Variants in RORB observed in about 807,000 individuals in gnomAD.
RORB encodes the protein RAR related orphan receptor B.
RORB carries 6 observed loss-of-function variants against 59.1 expected under a neutral mutation model. That is an observed-to-expected ratio of 0.10 (90% CI 0.06 to 0.20). RORB has a LOEUF of 0.20. RORB is among the 10% of genes least tolerant of loss of function. The pLI, the probability that RORB is intolerant of heterozygous loss-of-function variation, is 1.00. For synonymous variants in RORB, 215 were observed against 204.5 expected, an observed-to-expected ratio of 1.05 and a Z score of -0.44; for missense variants, 320 against 560.5, an observed-to-expected ratio of 0.57 and a Z score of 4.33.
At chr9:74,504,197 A>G (rs1554662886) in intron 1 of RORB, among the ~76,000 whole-genome samples, 1 of 152,048 alleles carries the variant, frequency 6.6e-6, no homozygotes, top group Non-Finnish European at 1.5e-5. Flanking sequence ...TTCAATATAT[A>G]TTCTACCCAC....
At chr9:74,602,080 C>T (rs1823067584) in intron 1 of RORB, among the ~76,000 whole-genome samples, 2 of 152,190 alleles carry the variant, frequency 1.3e-5, no homozygotes, top group African/African-American at 4.8e-5. Flanking sequence ...GCACATTTAA[C>T]TTCCATCCAG....
chr9:74,604,931 G>T (rs1195537914), intron 1 of RORB, among the ~76,000 whole-genome samples: 2 of 152,164 alleles, frequency 1.3e-5, no homozygotes, highest in East Asian at 3.8e-4. Flanking sequence ...AAATAAAATG[G>T]AAATGCAAAT....
chr9:74,672,690 A>G (rs1466586435), intron 9 of RORB, among the ~76,000 whole-genome samples: 1 of 152,230 alleles, frequency 6.6e-6, no homozygotes, highest in East Asian at 1.9e-4. Context: ...GCATTATTTT[A>G]TATCTTAAAG....
intron 1 of RORB, among the ~76,000 whole-genome samples, chr9:74,626,214 A>G (rs1056303045): frequency 6.6e-6 from 1 of 152,166 alleles, no homozygotes; most frequent in East Asian, 1.9e-4. Flanking sequence ...TGTTTATTCC[A>G]TAATTGTTGA....
chr9:74,681,498 C>G (rs936990211), intron 9 of RORB, among the ~76,000 whole-genome samples: 2 of 152,202 alleles, frequency 1.3e-5, no homozygotes, highest in Non-Finnish European at 2.9e-5. Context: ...CTTCTCTGTG[C>G]TGTTTGCTGA....
At position 74,630,264 on chromosome 9, in the gene RORB, T is replaced by C; in HGVS notation, c.8-18T>C. On this transcript the variant is annotated intron_variant, in intron 1 of 9. Transcript: ENST00000376896. Reference sequence around the variant, plus strand: ...AGAAAACATCTGTATGCTCAAAATGTCTGTTTTCTCCTTTCAGCACAAATT... The same window carrying C: ...AGAAAACATCTGTATGCTCAAAATGCCTGTTTTCTCCTTTCAGCACAAATT... 6.2e-7 allele frequency: 1 copy of C among 1,610,608 alleles called. No individual in the cohort carries two copies. Among genetic ancestry groups the C allele is most frequent in the Non-Finnish European group, 8.5e-7 (1 of 1,177,174 alleles).
intron 9 of RORB, 77 bp downstream of exon 9, chr9:74,671,978 G>A (rs1235707512): frequency 4.0e-6 from 3 of 750,304 alleles, no homozygotes; most frequent in Non-Finnish European, 6.6e-6. Flanking sequence ...TAAATCAAGG[G>A]AAATTTCTCA....
intron 1 of RORB, among the ~76,000 whole-genome samples, chr9:74,606,814 C>G (rs979674455): frequency 6.6e-6 from 1 of 152,020 alleles, no homozygotes; most frequent in Non-Finnish European, 1.5e-5. Flanking sequence ...TGCCTTTGTA[C>G]AGAAAGAAAA....
In RORB at chr9:74,620,483, C is replaced by CAA. The variant is rs200962861; in HGVS notation, c.8-9793_8-9792dup. On this transcript the variant is annotated intron_variant, in intron 1 of 9. Transcript: ENST00000376896. ...AGTCTATCGATTTTGTTGATCTTTT[C>CAA]AAAAAAACCAGCTCCTGGATTCACT... Among the ~76,000 whole-genome samples, 4 of 151,786 alleles carry CAA rather than the reference C, an allele frequency of 2.6e-5. No individual in the cohort carries two copies. The South Asian group carries it at 6.2e-4, about 24-fold the overall frequency.
chr9:74,555,385 T>C (rs1047054162), intron 1 of RORB, among the ~76,000 whole-genome samples: 4 of 152,248 alleles, frequency 2.6e-5, no homozygotes, highest in Non-Finnish European at 5.9e-5. Context: ...GGAAGCTTGC[T>C]CATTTCGATG....
At chr9:74,660,101 C>T (rs1022740068) in intron 4 of RORB, among the ~76,000 whole-genome samples, 3 of 151,970 alleles carry the variant, frequency 2.0e-5, no homozygotes, top group African/African-American at 4.8e-5. Flanking sequence ...TAATTTGTTT[C>T]CTTGTCTCTG....
At chr9:74,675,297 T>C (rs562151822) in intron 9 of RORB, among the ~76,000 whole-genome samples, 3 of 121,642 alleles carry the variant, frequency 2.5e-5, no homozygotes, top group Admixed American at 2.4e-4. Flanking sequence ...TCACTAAAGC[T>C]CATGAAAAAA....
At chr9:74,514,377 A>G (rs1825981158) in intron 1 of RORB, among the ~76,000 whole-genome samples, 1 of 152,080 alleles carries the variant, frequency 6.6e-6, no homozygotes, top group South Asian at 2.1e-4. Context: ...ACATTGTAGC[A>G]TAAAATGTCA....
chr9:74,679,058 C>CAAAAAAAA (rs201082469), intron 9 of RORB, among the ~76,000 whole-genome samples: 1 of 137,298 alleles, frequency 7.3e-6, no homozygotes, highest in South Asian at 2.3e-4. Flanking sequence ...AACAAACAAA[C>CAAAAAAAA]AAAAAAAAAA....
At chr9:74,594,192 C>A (rs954582338) in intron 1 of RORB, among the ~76,000 whole-genome samples, 1 of 151,996 alleles carries the variant, frequency 6.6e-6, no homozygotes, top group African/African-American at 2.4e-5. Flanking sequence ...GAACATTTAC[C>A]CTGATGAGCC....
intron 1 of RORB, among the ~76,000 whole-genome samples, chr9:74,503,398 A>G (rs770866356): frequency 5.3e-5 from 8 of 152,060 alleles, no homozygotes; most frequent in Non-Finnish European, 1.0e-4. Context: ...CACTCAGACA[A>G]GAAGAATGAA....
intron 4 of RORB, among the ~76,000 whole-genome samples, chr9:74,647,220 GC>G (rs777371010): frequency 8.5e-5 from 13 of 152,162 alleles, no homozygotes; most frequent in Non-Finnish European, 1.9e-4. Context: ...GGGAGAGGAA[GC>G]TAGCTAGCTA....
At chr9:74,576,913 T>C (rs1822644332) in intron 1 of RORB, among the ~76,000 whole-genome samples, 1 of 152,084 alleles carries the variant, frequency 6.6e-6, no homozygotes, top group Admixed American at 6.6e-5. Flanking sequence ...TGCTCATTCA[T>C]TTGTCTACAG....
At chr9:74,581,882 T>C (rs1006056578) in intron 1 of RORB, among the ~76,000 whole-genome samples, 1 of 152,214 alleles carries the variant, frequency 6.6e-6, no homozygotes, top group African/African-American at 2.4e-5. Flanking sequence ...CAAAGGTGCC[T>C]GCTATGTGCT....
Sources: allele counts gnomAD v4.1 joint callset (sites outside exome capture counted in the v4.1 genomes callset), GRCh38; gene constraint gnomAD v4.1.1; transcripts MANE v1.5; gene names NCBI Gene and HGNC (gene_info 2026-07-23, HGNC 2026-07-21).